TASP1: variants seen among roughly 807,000 people sequenced by gnomAD.
The protein encoded by TASP1 is threonine aspartase 1.
Under a neutral mutation model 56.6 loss-of-function variants are expected in TASP1, and 16 were observed. The observed-to-expected ratio is 0.28, with a 90% confidence interval of 0.19 to 0.43. TASP1 has a LOEUF of 0.43. Ranked by LOEUF, TASP1 falls within the 20% of genes least tolerant of loss-of-function variation. The probability of loss-of-function intolerance (pLI) is 1.00; values close to 1 mark genes in which losing one functional copy is unlikely to be tolerated. For synonymous variants in TASP1, 179 were observed against 184.2 expected (o/e 0.97, Z 0.23); for missense variants, 393 against 511.6 (o/e 0.77, Z 2.24).
rs573511635 is a variant in TASP1, at chr20:13,397,683, T to G, written c.1171-7231A>C. On this transcript the variant is annotated intron_variant, in intron 13 of 13. Transcript: ENST00000337743. The stretch of plus-strand genomic sequence containing the variant: ...TTACCAACAAATTTCAAGATGATTC[T>G]GGGACTCAGAGAAATCGGTTTGAGC... 5.3e-5 allele frequency among the ~76,000 whole-genome samples: 8 copies of G among 152,344 alleles called. 1 individual carries two copies. The South Asian group carries it at 1.7e-3, about 32-fold the overall frequency.
At chr20:13,323,415 G>A in the TASP1 span, among the ~76,000 whole-genome samples, 2,344 of 152,288 alleles carry the variant, frequency 0.015, 57 homozygotes, top group African/African-American at 0.053. Flanking sequence ...CTATTGAACC[G>A]TGGTTCCCAT....
chr20:13,150,992 T>C, the TASP1 span, among the ~76,000 whole-genome samples: 8 of 152,220 alleles, frequency 5.3e-5, no homozygotes, highest in African/African-American at 1.9e-4. Context: ...GCATCCCAGT[T>C]GCAATTTTAC....
At chr20:13,287,710 A>T in the TASP1 span, among the ~76,000 whole-genome samples, 2 of 152,230 alleles carry the variant, frequency 1.3e-5, no homozygotes, top group East Asian at 3.8e-4. Flanking sequence ...TGTGCCTGAC[A>T]TACAAAAAGG....
chr20:13,391,309 C>T (rs1385359563), intron 13 of TASP1, among the ~76,000 whole-genome samples: 1 of 152,086 alleles, frequency 6.6e-6, no homozygotes, highest in Non-Finnish European at 1.5e-5. Context: ...CTGGAGGCTC[C>T]GGTAGAAGAC....
chr20:13,612,726 T>C (rs1218230247), intron 4 of TASP1, among the ~76,000 whole-genome samples: 1 of 152,070 alleles, frequency 6.6e-6, no homozygotes, highest in Non-Finnish European at 1.5e-5. Flanking sequence ...ATCAAGAAAG[T>C]AGGCACATGA....
chr20:13,453,935 TA>T (rs998479739), intron 11 of TASP1, among the ~76,000 whole-genome samples: 4 of 151,726 alleles, frequency 2.6e-5, no homozygotes, highest in East Asian at 1.9e-4. Context: ...CAATTCTGAC[TA>T]AAAGATGAGG....
the TASP1 span, among the ~76,000 whole-genome samples, chr20:13,275,156 A>G: frequency 2.0e-5 from 3 of 152,230 alleles, no homozygotes; most frequent in South Asian, 4.1e-4. Context: ...TGAGATTAGT[A>G]TTCATTTCAA....
intron 7 of TASP1, among the ~76,000 whole-genome samples, chr20:13,564,373 A>G (rs2147104158): frequency 6.6e-6 from 1 of 152,318 alleles, no homozygotes; most frequent in South Asian, 2.1e-4. Context: ...GAAAAAAACT[A>G]AAATCAAGGA....
chr20:13,332,740 A>C, the TASP1 span, among the ~76,000 whole-genome samples: 1 of 152,244 alleles, frequency 6.6e-6, no homozygotes, highest in Admixed American at 6.5e-5. Context: ...CATTTTCAGC[A>C]TATGTGGTTG....
chr20:13,341,295 T>A, the TASP1 span, among the ~76,000 whole-genome samples: 1 of 152,214 alleles, frequency 6.6e-6, no homozygotes, highest in African/African-American at 2.4e-5. Flanking sequence ...CTTTTACCCA[T>A]TTGGGAGAGT....
At chr20:13,342,729 A>G in the TASP1 span, among the ~76,000 whole-genome samples, 436 of 152,282 alleles carry the variant, frequency 2.9e-3, 2 homozygotes, top group African/African-American at 9.8e-3. Flanking sequence ...AAGAGCCATA[A>G]AAGTTTGCAA....
chr20:13,231,171 T>C, the TASP1 span, among the ~76,000 whole-genome samples: 1 of 152,184 alleles, frequency 6.6e-6, no homozygotes, highest in Non-Finnish European at 1.5e-5. Flanking sequence ...GATACTCCTC[T>C]AGGTAGCAAC....
At chr20:13,220,819 G>A in the TASP1 span, among the ~76,000 whole-genome samples, 216 of 152,310 alleles carry the variant, frequency 1.4e-3, no homozygotes, top group African/African-American at 4.8e-3. Flanking sequence ...CGCCCCCTCC[G>A]TTTTCCATCA....
chr20:13,562,495 C>A (rs568966878), intron 7 of TASP1, among the ~76,000 whole-genome samples: 4 of 151,874 alleles, frequency 2.6e-5, no homozygotes, highest in Non-Finnish European at 4.4e-5. Context: ...AAATTTAAAT[C>A]TTTAGCTAGA....
chr20:13,222,900 C>T, the TASP1 span, among the ~76,000 whole-genome samples: 1 of 152,314 alleles, frequency 6.6e-6, no homozygotes, highest in South Asian at 2.1e-4. Context: ...CGGTGGCTCA[C>T]GCCTGTGATC....
intron 8 of TASP1, among the ~76,000 whole-genome samples, chr20:13,538,577 A>G (rs769365295): frequency 6.6e-6 from 1 of 152,144 alleles, no homozygotes; most frequent in Non-Finnish European, 1.5e-5. Context: ...ATACCCTAAC[A>G]TGACAGTACA....
intron 4 of TASP1, among the ~76,000 whole-genome samples, chr20:13,599,045 T>C (rs1276144736): frequency 6.6e-6 from 1 of 152,156 alleles, no homozygotes; most frequent in Non-Finnish European, 1.5e-5. Flanking sequence ...CTGGAGAGGA[T>C]GTGGAGAAAT....
At chr20:13,372,627 AT>A in the TASP1 span, among the ~76,000 whole-genome samples, 4 of 151,720 alleles carry the variant, frequency 2.6e-5, no homozygotes, top group Non-Finnish European at 5.9e-5. Context: ...ACAACATCTA[AT>A]GTTATTATTG....
chr20:13,476,680 T>C (rs2042961124), intron 11 of TASP1, among the ~76,000 whole-genome samples: 1 of 152,158 alleles, frequency 6.6e-6, no homozygotes, highest in Non-Finnish European at 1.5e-5. Context: ...CAATGAATAA[T>C]TGTTAAATAA....
Sources: allele counts gnomAD v4.1 joint callset (sites outside exome capture counted in the v4.1 genomes callset), GRCh38; gene constraint gnomAD v4.1.1; transcripts MANE v1.5; gene names NCBI Gene and HGNC (gene_info 2026-07-23, HGNC 2026-07-21).